The following SYBU variants were observed in gnomAD, a reference collection of about 807,000 sequenced individuals.
The protein encoded by SYBU is syntabulin, also known as GOLSYN A protein.
SYBU carries 21 observed loss-of-function variants against 35.9 expected under a neutral mutation model. That is an observed-to-expected ratio of 0.58 (90% CI 0.41 to 0.84). The LOEUF (loss-of-function observed/expected upper bound fraction) is 0.84. SYBU is among the 40% of genes least tolerant of loss of function. The pLI is 0.00. For synonymous variants in SYBU, 319 were observed against 324.3 expected (o/e 0.98, Z 0.18); for missense variants, 768 against 848.2 (o/e 0.91, Z 1.17).
chr8:109,608,493 G>T (rs1000035104), intron 3 of SYBU, among the ~76,000 whole-genome samples: 13 of 152,044 alleles, frequency 8.6e-5, no homozygotes, highest in South Asian at 4.1e-4. Flanking sequence ...TCACAACACT[G>T]CCCAGAAGAA....
At chr8:109,598,534 A>G (rs2129993436) in intron 3 of SYBU, among the ~76,000 whole-genome samples, 1 of 152,324 alleles carries the variant, frequency 6.6e-6, no homozygotes, top group South Asian at 2.1e-4. Context: ...TTTTTGTGAG[A>G]ATTAAACGCC....
chr8:109,644,138 G>A (rs1384065268), intron 1 of SYBU: 6 of 458,232 alleles, frequency 1.3e-5, no homozygotes, highest in Middle Eastern at 3.2e-4. Flanking sequence ...GGGGAACTTC[G>A]GAGGGCCCTC....
At chr8:109,648,519 T>C (rs1252220363), upstream of SYBU, among the ~76,000 whole-genome samples, 1 of 152,112 alleles carries the variant, frequency 6.6e-6, no homozygotes, top group East Asian at 1.9e-4. Flanking sequence ...ATGTGGCCAA[T>C]CTCTGAGACC....
chr8:109,631,692 G>A (rs980946322), intron 2 of SYBU, among the ~76,000 whole-genome samples: 58 of 152,328 alleles, frequency 3.8e-4, no homozygotes, highest in African/African-American at 1.3e-3. Context: ...AGGTTTTGGC[G>A]AGGGAGGAGT....
intron 1 of SYBU, among the ~76,000 whole-genome samples, chr8:109,669,212 G>A (rs1816877826): frequency 6.6e-6 from 1 of 151,710 alleles, no homozygotes; most frequent in South Asian, 2.1e-4. Context: ...CGTGGTGGCA[G>A]GCACCTGTAG....
At position 109,644,732 on chromosome 8, in the gene SYBU, G is replaced by C; in HGVS notation, c.-73C>G. 1.4e-6 allele frequency: 2 copies of C among 1,392,930 alleles called. No individual in the cohort carries two copies. The highest frequency in any genetic ancestry group is 1.9e-6 in the Non-Finnish European group (2 of 1,073,202). The allele number at this position is 1,392,930 out of a possible 1,614,324, so 86.3% of individuals were successfully genotyped here. A position where few individuals can be genotyped will look rare whatever the true frequency, so the allele number is the denominator to read the frequency against. On this transcript the variant is annotated 5_prime_UTR_variant, in exon 1 of 7. Transcript: ENST00000276646. ...GAGGAGGCACCTGCGAGCACGGAGC[G>C]AGGAGACTGCGCTGAGCCGGCGCGG...
chr8:109,688,493 T>C (rs1455156605), intron 1 of SYBU, among the ~76,000 whole-genome samples: 2 of 152,204 alleles, frequency 1.3e-5, no homozygotes, highest in South Asian at 2.1e-4. Flanking sequence ...ACTTCTGCCA[T>C]TGGTGGCCAA....
chr8:109,623,051 A>AC, intron 2 of SYBU, among the ~76,000 whole-genome samples: 1 of 151,966 alleles, frequency 6.6e-6, no homozygotes, highest in South Asian at 2.1e-4. Context: ...ACACACACAA[A>AC]CGCACACCCC....
intron 1 of SYBU, among the ~76,000 whole-genome samples, chr8:109,655,086 C>T (rs1816301048): frequency 6.6e-6 from 1 of 152,222 alleles, no homozygotes. Flanking sequence ...TCAAGATAAA[C>T]TTCATCCACT....
intron 1 of SYBU, among the ~76,000 whole-genome samples, chr8:109,652,036 T>A (rs1436400872): frequency 1.3e-5 from 2 of 152,182 alleles, no homozygotes; most frequent in Non-Finnish European, 2.9e-5. Flanking sequence ...TCATTCCTAT[T>A]CTGAGCCATG....
rs1435851191 is a variant in SYBU, at chr8:109,644,349, A to G, written c.24+287T>C. On this transcript the variant is annotated intron_variant, in intron 1 of 6. Transcript: ENST00000276646. Reference sequence around the variant, plus strand: ...AATTCCTTTCATTCACATCACACACACAGGATATCAACTGAAAGCTACACC... The same window carrying G: ...AATTCCTTTCATTCACATCACACACGCAGGATATCAACTGAAAGCTACACC... The G allele has an allele frequency of 6.6e-6, 4 of 605,060 alleles. No homozygotes were observed. The Admixed American group carries it at 9.3e-5, about 14-fold the overall frequency. The allele number at this position is 605,060 out of a possible 1,614,324, so 37.5% of individuals were successfully genotyped here. A position where few individuals can be genotyped will look rare whatever the true frequency, so the allele number is the denominator to read the frequency against.
intron 2 of SYBU, among the ~76,000 whole-genome samples, chr8:109,623,031 GCACA>G (rs71305963): frequency 6.6e-6 from 1 of 150,782 alleles, no homozygotes; most frequent in African/African-American, 2.4e-5. Flanking sequence ...GTGCGCGCGC[GCACA>G]CACACACACA....
At chr8:109,657,388 T>G (rs2130732292) in intron 1 of SYBU, among the ~76,000 whole-genome samples, 1 of 152,346 alleles carries the variant, frequency 6.6e-6, no homozygotes, top group African/African-American at 2.4e-5. Context: ...ATGACACCCC[T>G]TTAACACCAA....
In SYBU at chr8:109,639,891, CATT is replaced by C. The variant is rs200038633; in HGVS notation, c.229+2834_229+2836del. On this transcript the variant is annotated intron_variant, in intron 2 of 6. Coordinates refer to ENST00000276646, the MANE Select transcript of SYBU (RefSeq NM_001099754.2). ...CCCACCAACCGGCCTCCTAAAGCAT[CATT>C]AACATGCCCCCAAAGGCCTTGCTGC... 8.2e-3 allele frequency among the ~76,000 whole-genome samples: 1,243 copies of C among 152,300 alleles called. 18 individuals carry two copies. The highest frequency in any genetic ancestry group is 0.029 in the African/African-American group (1,188 of 41,564).
chr8:109,576,180 A>G (rs1822294925), intron 6 of SYBU, among the ~76,000 whole-genome samples, 167 bp from the exon 7 acceptor site: 2 of 152,224 alleles, frequency 1.3e-5, no homozygotes, highest in Admixed American at 6.5e-5. Flanking sequence ...AGGGAACTCA[A>G]GAGAACACAG....
chr8:109,669,378 T>G (rs35390096), intron 1 of SYBU, among the ~76,000 whole-genome samples: 9,451 of 142,698 alleles, frequency 0.066, 579 homozygotes, highest in East Asian at 0.096. Context: ...ACAACTGATC[T>G]ATGAGTTTGA....
At chr8:109,601,645 G>A (rs918846416) in intron 3 of SYBU, among the ~76,000 whole-genome samples, 4 of 152,134 alleles carry the variant, frequency 2.6e-5, no homozygotes, top group Non-Finnish European at 5.9e-5. Context: ...TGACACTTGA[G>A]ATGGCCCTGA....
At chr8:109,657,384 C>T (rs1219114258) in intron 1 of SYBU, among the ~76,000 whole-genome samples, 3 of 152,156 alleles carry the variant, frequency 2.0e-5, no homozygotes, top group South Asian at 2.1e-4. Context: ...GAATATGACA[C>T]CCCTTTAACA....
chr8:109,619,356 TG>T (rs1372110223), intron 2 of SYBU, among the ~76,000 whole-genome samples: 1 of 152,040 alleles, frequency 6.6e-6, no homozygotes, highest in Admixed American at 6.5e-5. Context: ...CCCAAGTAGC[TG>T]GGATTACAGA....
Sources: allele counts gnomAD v4.1 joint callset (sites outside exome capture counted in the v4.1 genomes callset), GRCh38; gene constraint gnomAD v4.1.1; transcripts MANE v1.5; gene names NCBI Gene and HGNC (gene_info 2026-07-23, HGNC 2026-07-21).